Variants in DLG2 observed in about 807,000 individuals in gnomAD.
The protein encoded by DLG2 is disks large homolog 2.
DLG2 carries 45 observed loss-of-function variants against 132.5 expected under a neutral mutation model. The ratio of observed to expected loss-of-function variants is 0.34; its 90% CI spans 0.27 to 0.44. DLG2 has a LOEUF of 0.44. DLG2 is among the 20% of genes least tolerant of loss of function. The pLI is 1.00. For missense variants in DLG2, 1,045 were observed against 1,196.9 expected (o/e 0.87, Z 1.87); for synonymous variants, 424 against 419.6 (o/e 1.01, Z -0.13).
At chr11:83,935,901 T>C (rs1174161907) in intron 14 of DLG2, among the ~76,000 whole-genome samples, 1 of 152,192 alleles carries the variant, frequency 6.6e-6, no homozygotes, top group South Asian at 2.1e-4. Flanking sequence ...CATCCTCATC[T>C]GGAAAGTGGG....
At chr11:84,971,603 T>G (rs2054105049) in intron 6 of DLG2, among the ~76,000 whole-genome samples, 1 of 152,144 alleles carries the variant, frequency 6.6e-6, no homozygotes, top group South Asian at 2.1e-4. Context: ...ATGTCAAATA[T>G]AGATTTATTT....
intron 18 of DLG2, among the ~76,000 whole-genome samples, chr11:83,669,186 C>T (rs1039484128): frequency 6.6e-6 from 1 of 151,834 alleles, no homozygotes; most frequent in Non-Finnish European, 1.5e-5. Flanking sequence ...CAGTCCTGGT[C>T]CCTCTCCTCA....
At chr11:84,347,879 T>C (rs973689729) in intron 7 of DLG2, among the ~76,000 whole-genome samples, 3 of 152,222 alleles carry the variant, frequency 2.0e-5, no homozygotes, top group Admixed American at 6.5e-5. Flanking sequence ...CTGATACAGA[T>C]TGCATAAGGG....
At chr11:84,338,970 T>C (rs2098501408) in intron 7 of DLG2, among the ~76,000 whole-genome samples, 1 of 152,176 alleles carries the variant, frequency 6.6e-6, no homozygotes, top group African/African-American at 2.4e-5. Context: ...AACAAACATC[T>C]CTTATTGTAA....
rs571786449 is a variant in DLG2 at position 84,837,212 on chromosome 11, A to C, written c.357+274449T>G. On this transcript the variant is annotated intron_variant, in intron 6 of 27. Transcript: ENST00000376104. ...ACTTTTTTCAAATGGAAGGCATAGG[A>C]AGAAATGGTCTAAAATGTGTACCTG... Among the ~76,000 whole-genome samples the C allele has an allele frequency of 5.9e-5, 9 of 152,002 alleles. No homozygotes were observed. In the South Asian group the frequency reaches 1.9e-3, roughly 31 times the overall value.
At chr11:85,056,949 GAGTACTTCAGGT>G (rs1454293308) in intron 6 of DLG2, among the ~76,000 whole-genome samples, 6 of 151,808 alleles carry the variant, frequency 4.0e-5, no homozygotes, top group Non-Finnish European at 7.4e-5. Flanking sequence ...ATACTAAAGA[GAGTACTTCAGGT>G]AGAAGGAAAA....
chr11:85,368,549 C>A (rs1000625933), intron 3 of DLG2, among the ~76,000 whole-genome samples: 2 of 152,224 alleles, frequency 1.3e-5, no homozygotes, highest in Non-Finnish European at 1.5e-5. Context: ...TTTCATTAAT[C>A]TTCTGATGCA....
rs1210191112 is a variant in DLG2 at position 85,256,337 on chromosome 11, C to T, written c.186+28883G>A. Among the ~76,000 whole-genome samples the T allele has an allele frequency of 2.6e-5, 4 of 152,238 alleles. No homozygotes were observed. In the South Asian group the frequency reaches 6.2e-4, roughly 24 times the overall value. On this transcript the variant is annotated intron_variant, in intron 4 of 27. Transcript: ENST00000376104. Reference sequence around the variant, plus strand: ...CAAACTCCAGGCGAAGATCATCTTCCGACTCCATCTGCTTTCCAGCTCCCC... The same window carrying T: ...CAAACTCCAGGCGAAGATCATCTTCTGACTCCATCTGCTTTCCAGCTCCCC...
intron 7 of DLG2, among the ~76,000 whole-genome samples, chr11:84,412,545 A>G (rs1266832577): frequency 6.6e-6 from 1 of 152,214 alleles, no homozygotes; most frequent in East Asian, 1.9e-4. Flanking sequence ...GATTTGCCCA[A>G]AGTAATACAA....
chr11:84,792,238 T>C (rs1209679627), intron 6 of DLG2, among the ~76,000 whole-genome samples: 1 of 152,214 alleles, frequency 6.6e-6, no homozygotes, highest in African/African-American at 2.4e-5. Flanking sequence ...TCACAATGAT[T>C]GATTTGTATA....
chr11:83,888,183 T>C (rs925745603), intron 15 of DLG2, among the ~76,000 whole-genome samples: 5 of 151,648 alleles, frequency 3.3e-5, no homozygotes, highest in African/African-American at 4.8e-5. Context: ...GACGACATGA[T>C]TGTATATCTA....
At chr11:84,300,407 G>A (rs1409039092) in intron 7 of DLG2, among the ~76,000 whole-genome samples, 1 of 152,188 alleles carries the variant, frequency 6.6e-6, no homozygotes, top group Non-Finnish European at 1.5e-5. Flanking sequence ...CAGACACAAG[G>A]AAAGGGGTTT....
intron 6 of DLG2, among the ~76,000 whole-genome samples, chr11:85,004,384 G>T (rs1420545990): frequency 6.6e-6 from 1 of 152,110 alleles, no homozygotes; most frequent in African/African-American, 2.4e-5. Flanking sequence ...AGCATCTGTT[G>T]TTTCCTGACT....
intron 6 of DLG2, among the ~76,000 whole-genome samples, chr11:85,018,700 G>A (rs1451867736): frequency 2.6e-5 from 4 of 151,872 alleles, no homozygotes; most frequent in South Asian, 2.1e-4. Flanking sequence ...AAGTAAGTAC[G>A]ATTAATATGT....
At chr11:85,390,280 G>T (rs1016399754) in intron 3 of DLG2, among the ~76,000 whole-genome samples, 1 of 151,778 alleles carries the variant, frequency 6.6e-6, no homozygotes, top group African/African-American at 2.4e-5. Context: ...TATGATAAAA[G>T]GACTAGTCCA....
At chr11:83,908,817 T>C (rs1381908898) in intron 15 of DLG2, among the ~76,000 whole-genome samples, 3 of 152,064 alleles carry the variant, frequency 2.0e-5, no homozygotes, top group African/African-American at 7.2e-5. Flanking sequence ...CACTGTAACC[T>C]CGAACTCCTA....
chr11:84,599,275 G>A (rs577304735), intron 6 of DLG2, among the ~76,000 whole-genome samples: 1 of 152,208 alleles, frequency 6.6e-6, no homozygotes, highest in African/African-American at 2.4e-5. Flanking sequence ...TGATAAATCA[G>A]ATCTCAGGAC....
chr11:85,287,414 A>G (rs2078629024), intron 3 of DLG2, among the ~76,000 whole-genome samples: 1 of 152,138 alleles, frequency 6.6e-6, no homozygotes, highest in African/African-American at 2.4e-5. Flanking sequence ...AAGCCTAGGA[A>G]AGATCCTCGA....
chr11:83,587,622 A>G (rs971438292), intron 19 of DLG2, among the ~76,000 whole-genome samples: 2 of 152,150 alleles, frequency 1.3e-5, no homozygotes, highest in African/African-American at 4.8e-5. Context: ...TAATCACTCT[A>G]TGTATCTATA....
Sources: gnomAD v4.1 joint callset for allele counts (sites outside exome capture counted in the v4.1 genomes callset) on GRCh38, gnomAD v4.1.1 for gene constraint, MANE v1.5 for transcripts, NCBI Gene and HGNC (gene_info 2026-07-23, HGNC 2026-07-21) for gene names.